GGA2: variants seen among roughly 807,000 people sequenced by gnomAD.
The protein encoded by GGA2 is golgi associated, gamma adaptin ear containing, ARF binding protein 2.
GGA2 carries 48 observed loss-of-function variants against 79.5 expected under a neutral mutation model. The observed-to-expected ratio is 0.60, with a 90% CI of 0.48 to 0.77. The LOEUF (loss-of-function observed/expected upper bound fraction) is 0.77. Ranked by LOEUF, GGA2 falls within the 30% of genes least tolerant of loss-of-function variation. The probability of loss-of-function intolerance (pLI) is 0.00; values close to 1 mark genes in which losing one functional copy is unlikely to be tolerated. For synonymous variants in GGA2, 317 were observed against 302.0 expected (o/e 1.05, Z -0.51); for missense variants, 770 against 774.0 (o/e 0.99, Z 0.06).
At chr16:23,484,198 A>T (rs1964684004) in intron 8 of GGA2, among the ~76,000 whole-genome samples, 1 of 151,448 alleles carries the variant, frequency 6.6e-6, no homozygotes, top group South Asian at 2.1e-4. Flanking sequence ...ACCTGAGGTC[A>T]GGAGTTCGAG....
intron 13 of GGA2, among the ~76,000 whole-genome samples, chr16:23,476,986 C>G (rs1327618777): frequency 6.6e-6 from 1 of 152,208 alleles, no homozygotes; most frequent in Non-Finnish European, 1.5e-5. Context: ...GGGTCTCACT[C>G]TGCTGCCCAG....
In GGA2 at chr16:23,477,638, T is replaced by C. The variant is rs547679250; in HGVS notation, c.1292+730A>G. Reference sequence around the variant, plus strand: ...GGCACACGCCTGTAATCCCAGCTACTCAGGAGGCTGAGGCAAAAGAATCGC... The same window carrying C: ...GGCACACGCCTGTAATCCCAGCTACCCAGGAGGCTGAGGCAAAAGAATCGC... On this transcript the variant is annotated intron_variant, in intron 13 of 16. Transcript: ENST00000309859. 2.0e-5 allele frequency among the ~76,000 whole-genome samples: 3 copies of C among 152,100 alleles called. No homozygotes were observed. In the South Asian group the frequency reaches 6.2e-4, roughly 32 times the overall value.
chr16:23,470,012 T>C lies in GGA2; in HGVS notation c.1604A>G (p.Gln535Arg). 1 of 1,558,378 alleles carries C rather than the reference T, an allele frequency of 6.4e-7. No individual in the cohort carries two copies. Among genetic ancestry groups the C allele is most frequent in the Non-Finnish European group, 8.7e-7 (1 of 1,152,242 alleles). ...APQPVWDIMF[Q>R]VAVPKSMRVK... ...ATGACTCACCTTTGGCACAGCCACTTGAAACATGATATCCCAGACAGGCTG... is the reference window on the plus strand; with the variant it reads ...ATGACTCACCTTTGGCACAGCCACTCGAAACATGATATCCCAGACAGGCTG... The change falls in exon 15 of 17, where the codon CAA becomes CGA. Residue 535 changes from glutamine to arginine, a missense_variant. Physicochemically the swap from Gln to Arg is conservative, Grantham distance 43. Coordinates refer to ENST00000309859, the MANE Select transcript of GGA2 (RefSeq NM_015044.4).
At chr16:23,488,571 G>A (rs1358620614) in intron 6 of GGA2, 35 bp downstream of exon 6, 10 of 1,201,662 alleles carry the variant, frequency 8.3e-6, no homozygotes, top group Non-Finnish European at 9.9e-6. Flanking sequence ...AAGAGAAAAG[G>A]TCTGATCAGA....
chr16:23,498,349 C>G (rs2142137401), intron 1 of GGA2, among the ~76,000 whole-genome samples: 1 of 151,584 alleles, frequency 6.6e-6, no homozygotes. Context: ...ATCACTTGAG[C>G]CCAGGAGGTG....
intron 1 of GGA2, among the ~76,000 whole-genome samples, chr16:23,508,832 A>C (rs779238463): frequency 6.6e-6 from 1 of 152,026 alleles, no homozygotes; most frequent in Non-Finnish European, 1.5e-5. Context: ...TCCACATCTC[A>C]ACCTTCTCTG....
Position 23,467,258 on chromosome 16 carries a change from C to G in GGA2, c.*332G>C. 4.2e-6 allele frequency: 1 copy of G among 237,694 alleles called. No individual in the cohort carries two copies. The highest frequency in any genetic ancestry group is 8.2e-6 in the Non-Finnish European group (1 of 121,324). 14.7% of individuals were successfully genotyped at this position (237,694 alleles called of 1,614,324 possible). A position where few individuals can be genotyped will look rare whatever the true frequency, so the allele number is the denominator to read the frequency against. ...CACTTTGGCTGATAAAACCTCCAAC[C>G]TGAGGCAGGGACAGTGTCGCTCGCT... On this transcript the variant is annotated 3_prime_UTR_variant, in exon 17 of 17. Coordinates refer to ENST00000309859, the MANE Select transcript of GGA2 (RefSeq NM_015044.4).
At chr16:23,499,387 G>A (rs1174942789) in intron 1 of GGA2, among the ~76,000 whole-genome samples, 1 of 151,910 alleles carries the variant, frequency 6.6e-6, no homozygotes, top group African/African-American at 2.4e-5. Context: ...CTCGTGATCC[G>A]TCCACCTCAG....
Position 23,486,773 on chromosome 16 carries a change from TAGAAG to T in GGA2, c.592_596del (p.Leu198LysfsTer71), listed in dbSNP as rs777181152. 8 of 1,609,860 alleles carry T rather than the reference TAGAAG, an allele frequency of 5.0e-6. No individual in the cohort carries two copies. Among genetic ancestry groups the T allele is most frequent in the Non-Finnish European group, 6.8e-6 (8 of 1,176,202 alleles). On this transcript the variant is annotated frameshift_variant, in exon 7 of 17. Coordinates refer to ENST00000309859, the MANE Select transcript of GGA2 (RefSeq NM_015044.4). LOFTEE classifies it high-confidence loss of function. ...GAAGGTCCTCGGGGTGGTTGCTCTTTAGAAGCCTTGTCAGAAGCTGCAGAGAGTGA... is the reference window on the plus strand; with the variant it reads ...GAAGGTCCTCGGGGTGGTTGCTCTTTCCTTGTCAGAAGCTGCAGAGAGTGA...
intron 5 of GGA2, 116 bp downstream of exon 5, chr16:23,491,561 G>T: frequency 1.0e-5 from 7 of 694,442 alleles, no homozygotes; most frequent in Non-Finnish European, 1.4e-5. Flanking sequence ...CTACCTCAGT[G>T]TCTATGGTCC....
At chr16:23,498,354 G>C (rs2142137403) in intron 1 of GGA2, among the ~76,000 whole-genome samples, 1 of 152,056 alleles carries the variant, frequency 6.6e-6, no homozygotes, top group South Asian at 2.1e-4. Context: ...TTGAGCCCAG[G>C]AGGTGGAGGC....
At chr16:23,487,792 G>C (rs1218708507) in intron 6 of GGA2, among the ~76,000 whole-genome samples, 3 of 152,138 alleles carry the variant, frequency 2.0e-5, no homozygotes, top group Non-Finnish European at 4.4e-5. Context: ...ACAGGGACCT[G>C]ATGGCCACAG....
At chr16:23,467,874 T>C (rs1333363447) in intron 16 of GGA2, among the ~76,000 whole-genome samples, 174 bp from the exon 17 acceptor site, 1 of 152,132 alleles carries the variant, frequency 6.6e-6, no homozygotes, top group African/African-American at 2.4e-5. Context: ...CTTCGATAAT[T>C]CTGCAGTCCT....
At chr16:23,520,952 T>C (rs1965137311) in intron 1 of GGA2, among the ~76,000 whole-genome samples, 1 of 152,054 alleles carries the variant, frequency 6.6e-6, no homozygotes, top group Admixed American at 6.6e-5. Context: ...CCACCACACC[T>C]GGCTAATTTT....
chr16:23,482,988 C>CA lies in GGA2; in HGVS notation c.814dup (p.Cys272LeufsTer2). ...GAACAGCGTGGGCCGCAGCTTTTCA[C>CA]ACCTCTCATACACGACCTGAAAGAG... On this transcript the variant is annotated frameshift_variant, in exon 9 of 17. Coordinates refer to ENST00000309859, the MANE Select transcript of GGA2 (RefSeq NM_015044.4). LOFTEE classifies it high-confidence loss of function. 15 of 1,611,136 alleles carry CA rather than the reference C, an allele frequency of 9.3e-6. No individual in the cohort carries two copies. Among genetic ancestry groups the CA allele is most frequent in the Non-Finnish European group, 1.3e-5 (15 of 1,177,284 alleles).
Position 23,464,582 on chromosome 16 carries a change from G to A in GGA2, c.*3008C>T, listed in dbSNP as rs1964411068. On this transcript the variant is annotated 3_prime_UTR_variant, in exon 17 of 17. Transcript: ENST00000309859. The stretch of plus-strand genomic sequence containing the variant: ...AAAAAAAAAAGCCCAAATCAGAGCA[G>A]TGGCAATGTAAGTGCAGGGAGGACA... 6.6e-6 allele frequency: 1 copy of A among 152,012 alleles called. No homozygotes were observed. The highest frequency in any genetic ancestry group is 1.5e-5 in the Non-Finnish European group (1 of 68,038). 9.4% of individuals were successfully genotyped at this position (152,012 alleles called of 1,614,324 possible).
intron 1 of GGA2, among the ~76,000 whole-genome samples, chr16:23,499,819 T>C (rs1964900040): frequency 6.6e-6 from 1 of 152,120 alleles, no homozygotes; most frequent in South Asian, 2.1e-4. Flanking sequence ...TTCCTCACAG[T>C]GTAGAAACCT....
chr16:23,469,136 T>C, intron 15 of GGA2, 140 bp from the exon 16 acceptor site: 1 of 574,732 alleles, frequency 1.7e-6, no homozygotes, highest in Non-Finnish European at 3.2e-6. Context: ...CCGAGGCACC[T>C]ATGGGAGCCC....
chr16:23,472,667 C>T (rs1223185201), intron 14 of GGA2, among the ~76,000 whole-genome samples: 5 of 151,222 alleles, frequency 3.3e-5, no homozygotes, highest in African/African-American at 1.2e-4. Flanking sequence ...GAGATGGCGC[C>T]ACTGCACTCC....
Sources: gnomAD v4.1 joint callset for allele counts (sites outside exome capture counted in the v4.1 genomes callset) on GRCh38, gnomAD v4.1.1 for gene constraint, MANE v1.5 for transcripts, NCBI Gene and HGNC (gene_info 2026-07-23, HGNC 2026-07-21) for gene names.